Variants in LARP1 observed in about 807,000 individuals in gnomAD.
LARP1 encodes la-related protein 1.
Under a neutral mutation model 122.7 loss-of-function variants are expected in LARP1, and 36 were observed. The ratio of observed to expected loss-of-function variants is 0.29; its 90% CI spans 0.22 to 0.39. LARP1 has a LOEUF of 0.39. Among genes scored for constraint, LARP1 ranks in the 10% least tolerant of loss-of-function variants. The pLI is 1.00. For synonymous variants in LARP1, 539 were observed against 528.7 expected (o/e 1.02, Z -0.27); for missense variants, 1,040 against 1,403.6 (o/e 0.74, Z 4.14).
At chr5:154,733,035 C>G (rs1756676070) in intron 1 of LARP1, among the ~76,000 whole-genome samples, 2 of 152,076 alleles carry the variant, frequency 1.3e-5, no homozygotes. Context: ...CTCATAAAAT[C>G]CCAGTCTCAG....
chr5:154,695,484 C>T (rs192426674), intron 1 of LARP1, among the ~76,000 whole-genome samples: 3 of 151,928 alleles, frequency 2.0e-5, no homozygotes, highest in Admixed American at 2.0e-4. Flanking sequence ...TGGTGAAACC[C>T]CGTCTCTACT....
chr5:154,776,192 T>TA, intron 1 of LARP1, among the ~76,000 whole-genome samples: 1 of 152,098 alleles, frequency 6.6e-6, no homozygotes, highest in East Asian at 1.9e-4. Flanking sequence ...GAGCAAACAG[T>TA]AAGATTTTTA....
Position 154,787,658 on chromosome 5 carries a change from G to T in LARP1, c.437-2667G>T, listed in dbSNP as rs112830417. Among the ~76,000 whole-genome samples the T allele has an allele frequency of 7.2e-3, 1,097 of 152,248 alleles. 9 individuals carry two copies. Among genetic ancestry groups the T allele is most frequent in the African/African-American group, 0.023 (970 of 41,524 alleles). ...ATTGGCTTTTTCTGCCTTTCTGGGG[G>T]TTTTTTTCTCCTTGTCAGGGGCAAC... is the stretch of plus-strand genomic sequence containing the variant. On this transcript the variant is annotated intron_variant, in intron 1 of 18. Coordinates refer to ENST00000518297, the MANE Select transcript of LARP1 (RefSeq NM_033551.3).
intron 16 of LARP1, 62 bp downstream of exon 16, chr5:154,808,665 G>C: frequency 6.5e-7 from 1 of 1,528,346 alleles, no homozygotes; most frequent in Non-Finnish European, 8.9e-7. Flanking sequence ...ATCCCTAGTT[G>C]GTCTGCTTCC....
At chr5:154,698,101 A>G (rs1182286381) in intron 1 of LARP1, among the ~76,000 whole-genome samples, 1 of 152,076 alleles carries the variant, frequency 6.6e-6, no homozygotes, top group African/African-American at 2.4e-5. Flanking sequence ...CAAGTCGTAC[A>G]CTTTGTATTT....
In LARP1 at chr5:154,789,500, C is replaced by T. The variant is rs141389182; in HGVS notation, c.437-825C>T. Among the ~76,000 whole-genome samples, 513 of 152,198 alleles carry T rather than the reference C, an allele frequency of 3.4e-3. 2 individuals carry two copies. The highest frequency in any genetic ancestry group is 0.012 in the African/African-American group (484 of 41,558). Reference sequence around the variant, plus strand: ...CCCCCCAAAGTGCTGGGATTACAGGCGTGAGCCACTGCGCCTGGCCACAAA... The same window carrying T: ...CCCCCCAAAGTGCTGGGATTACAGGTGTGAGCCACTGCGCCTGGCCACAAA... On this transcript the variant is annotated intron_variant, in intron 1 of 18. Transcript: ENST00000518297.
intron 1 of LARP1, among the ~76,000 whole-genome samples, chr5:154,727,173 A>G (rs1719663780): frequency 1.3e-5 from 2 of 152,244 alleles, no homozygotes; most frequent in South Asian, 4.1e-4. Context: ...AAGAGATGAC[A>G]GAAGAGACAC....
chr5:154,709,598 ATTTTT>A (rs60062105), upstream of LARP1, among the ~76,000 whole-genome samples: 1 of 81,348 alleles, frequency 1.2e-5, no homozygotes, highest in East Asian at 3.9e-4. Context: ...CTCCAGTGAG[ATTTTT>A]TTTTTTTTTT....
At position 154,811,172 on chromosome 5, in the gene LARP1, C is replaced by A. The variant is rs1582493111; in HGVS notation, c.2844-75C>A. On this transcript the variant is annotated intron_variant, in intron 16 of 18. Transcript: ENST00000518297. Reference sequence around the variant, plus strand: ...ATGTAGTTTAAACTGTTTCATAGTTCCTCTGTTATGCAGGCACATTTCCCG... The same window carrying A: ...ATGTAGTTTAAACTGTTTCATAGTTACTCTGTTATGCAGGCACATTTCCCG... 4.8e-6 allele frequency: 5 copies of A among 1,050,598 alleles called. No homozygotes were observed. In the East Asian group the frequency reaches 7.2e-5, roughly 15 times the overall value. The allele number at this position is 1,050,598 out of a possible 1,614,324, so 65.1% of individuals were successfully genotyped here.
chr5:154,762,694 A>G (rs1754555528), intron 1 of LARP1, among the ~76,000 whole-genome samples: 1 of 152,212 alleles, frequency 6.6e-6, no homozygotes, highest in South Asian at 2.1e-4. Context: ...GTAAACCTAG[A>G]TGATTCCTCC....
intron 1 of LARP1, among the ~76,000 whole-genome samples, chr5:154,764,459 G>T (rs1027625098): frequency 1.3e-5 from 2 of 151,208 alleles, no homozygotes; most frequent in Admixed American, 6.6e-5. Flanking sequence ...AAATTAACTG[G>T]GTGTGGTGGT....
chr5:154,790,436 C>T (rs752532749), intron 2 of LARP1, 50 bp downstream of exon 2: 8 of 1,552,890 alleles, frequency 5.2e-6, no homozygotes, highest in Non-Finnish European at 8.9e-7. Flanking sequence ...AGTTGGTGGC[C>T]TCTTTCCTGT....
In LARP1 at chr5:154,717,443, C is replaced by T. The variant is rs567924999; in HGVS notation, c.205+4313C>T. ...GTTATGGCACCTGTTTGGGTTTCTG[C>T]TGTAACCTGGGCTAGCCATACTCTG... On this transcript the variant is annotated intron_variant, in intron 1 of 18. Coordinates refer to the LARP1 transcript ENST00000336314. Among the ~76,000 whole-genome samples, 25 of 152,310 alleles carry T rather than the reference C, an allele frequency of 1.6e-4. No individual in the cohort carries two copies. The East Asian group carries it at 4.8e-3, about 29-fold the overall frequency.
intron 1 of LARP1, among the ~76,000 whole-genome samples, chr5:154,740,481 A>G (rs894707203): frequency 5.9e-5 from 9 of 151,904 alleles, no homozygotes; most frequent in African/African-American, 2.2e-4. Flanking sequence ...TTGCTCTCCC[A>G]TTATCAATTA....
intron 8 of LARP1, among the ~76,000 whole-genome samples, chr5:154,795,723 A>G (rs1397589418): frequency 6.7e-6 from 1 of 149,714 alleles, no homozygotes; most frequent in Non-Finnish European, 1.5e-5. Context: ...TAGCCACAGT[A>G]TCATTATCAT....
In LARP1 at chr5:154,814,745, C is replaced by T. The variant is rs1759552257; in HGVS notation, c.*649C>T. 6.6e-6 allele frequency: 1 copy of T among 152,584 alleles called. No individual in the cohort carries two copies. Among genetic ancestry groups the T allele is most frequent in the Non-Finnish European group, 1.5e-5 (1 of 68,038 alleles). 9.5% of individuals were successfully genotyped at this position (152,584 alleles called of 1,614,324 possible). A position where few individuals can be genotyped will look rare whatever the true frequency, so the allele number is the denominator to read the frequency against. ...AAGGTTTCAGCCTCTCCCCACTCCCCTTGCCCCACACCCTTTACTCCCCAG... is the reference window on the plus strand; with the variant it reads ...AAGGTTTCAGCCTCTCCCCACTCCCTTTGCCCCACACCCTTTACTCCCCAG... On this transcript the variant is annotated 3_prime_UTR_variant, in exon 19 of 19. Transcript: ENST00000518297.
intron 1 of LARP1, among the ~76,000 whole-genome samples, chr5:154,720,349 A>C (rs1250379240): frequency 6.6e-6 from 1 of 152,196 alleles, no homozygotes; most frequent in Admixed American, 6.6e-5. Context: ...CATTGCCTAC[A>C]TTTATAACTA....
At chr5:154,785,334 G>A (rs1306187513) in intron 1 of LARP1, among the ~76,000 whole-genome samples, 6 of 152,098 alleles carry the variant, frequency 3.9e-5, no homozygotes, top group Non-Finnish European at 7.4e-5. Flanking sequence ...AGTTTTTCCC[G>A]TACATTCTGA....
At chr5:154,697,545 G>A (rs1043244044) in intron 1 of LARP1, among the ~76,000 whole-genome samples, 4 of 152,206 alleles carry the variant, frequency 2.6e-5, no homozygotes, top group African/African-American at 9.7e-5. Context: ...TAGACAAAAT[G>A]TGGTAGATTC....
Sources: allele counts gnomAD v4.1 joint callset (sites outside exome capture counted in the v4.1 genomes callset), GRCh38; gene constraint gnomAD v4.1.1; transcripts MANE v1.5; gene names NCBI Gene and HGNC (gene_info 2026-07-23, HGNC 2026-07-21).